OR9Q1: variants seen among roughly 807,000 people sequenced by gnomAD.
The protein encoded by OR9Q1 is olfactory receptor family 9 subfamily Q member 1, also known as olfactory receptor 9Q1.
For missense variants in OR9Q1, 374 were observed against 378.8 expected (o/e 0.99, Z 0.11); for synonymous variants, 153 against 148.6 (o/e 1.03, Z -0.22).
intron 2 of OR9Q1, chr11:58,119,072 C>T: frequency 6.2e-7 from 1 of 1,613,956 alleles, no homozygotes; most frequent in Non-Finnish European, 8.5e-7. Context: ...TTGCGAATGG[C>T]AGCATAGCGA....
At chr11:58,055,719 G>T (rs1853320455) in intron 1 of OR9Q1, among the ~76,000 whole-genome samples, 151 bp from the exon 2 acceptor site, 1 of 150,610 alleles carries the variant, frequency 6.6e-6, no homozygotes, top group Non-Finnish European at 1.5e-5. Context: ...AGGATTGCCT[G>T]AGCCTGGGAG....
chr11:58,069,223 GC>G (rs2120014818), intron 2 of OR9Q1, among the ~76,000 whole-genome samples: 1 of 152,214 alleles, frequency 6.6e-6, no homozygotes, highest in South Asian at 2.1e-4. Flanking sequence ...TGGATTTGTG[GC>G]CCTATTGTCC....
chr11:58,118,437 C>T (rs758913342), intron 2 of OR9Q1: 2 of 1,062,808 alleles, frequency 1.9e-6, no homozygotes, highest in African/African-American at 1.6e-5. Context: ...AGTAATGGTG[C>T]CTATTAGGAT....
intron 2 of OR9Q1, among the ~76,000 whole-genome samples, chr11:58,080,553 TAAG>T (rs778151485): frequency 6.2e-4 from 95 of 152,292 alleles, no homozygotes; most frequent in Non-Finnish European, 1.2e-3. Context: ...TTTAGTTCCT[TAAG>T]AAATCTCCAA....
intron 2 of OR9Q1, among the ~76,000 whole-genome samples, chr11:58,096,591 C>A (rs567618229): frequency 1.3e-5 from 2 of 149,566 alleles, no homozygotes; most frequent in South Asian, 2.1e-4. Flanking sequence ...CAGCTCACTG[C>A]AGCCTCTACC....
chr11:58,150,502 A>G (rs1043861799), intron 2 of OR9Q1, among the ~76,000 whole-genome samples: 1 of 152,198 alleles, frequency 6.6e-6, no homozygotes, highest in Non-Finnish European at 1.5e-5. Flanking sequence ...GTAGTCATGC[A>G]CCACATAAGG....
intron 2 of OR9Q1, among the ~76,000 whole-genome samples, chr11:58,139,226 T>C (rs957875560): frequency 6.0e-4 from 91 of 152,092 alleles, no homozygotes; most frequent in African/African-American, 2.1e-3. Context: ...GATAATCTTA[T>C]ATACAGGGTT....
rs577652470 is a variant in OR9Q1, at chr11:58,119,150, C to T, written c.-14-60281C>T. On this transcript the variant is annotated intron_variant, in intron 2 of 2. Coordinates refer to ENST00000335397, the MANE Select transcript of OR9Q1 (RefSeq NM_001005212.4). ...CAGATGGTGAATAAAAAGAACTGGGCAGCACAGTGGCCGTAGGAGATGACC... is the reference window on the plus strand; with the variant it reads ...CAGATGGTGAATAAAAAGAACTGGGTAGCACAGTGGCCGTAGGAGATGACC... 2.3e-5 allele frequency: 37 copies of T among 1,613,978 alleles called. No homozygotes were observed. The Admixed American group carries it at 2.8e-4, about 12-fold the overall frequency.
intron 2 of OR9Q1, among the ~76,000 whole-genome samples, chr11:58,082,777 T>C (rs1853601533): frequency 7.2e-6 from 1 of 138,570 alleles, no homozygotes; most frequent in African/African-American, 2.8e-5. Context: ...TAATAAAAAG[T>C]TAGGTCTTCT....
chr11:58,082,743 T>TTATAATAATAATAAC (rs1853600170), intron 2 of OR9Q1, among the ~76,000 whole-genome samples: 1 of 52,724 alleles, frequency 1.9e-5, no homozygotes, highest in South Asian at 7.3e-4. Context: ...ACTTAAAGTA[T>TTATAATAATAATAAC]AATAATAATA....
At chr11:58,094,370 C>G (rs529421601) in intron 2 of OR9Q1, among the ~76,000 whole-genome samples, 9 of 152,064 alleles carry the variant, frequency 5.9e-5, no homozygotes, top group Non-Finnish European at 1.3e-4. Flanking sequence ...CTCTAAAAGC[C>G]CCAATTTCAC....
chr11:58,055,666 G>A (rs1443313992), intron 1 of OR9Q1, among the ~76,000 whole-genome samples: 1 of 152,072 alleles, frequency 6.6e-6, no homozygotes, highest in Admixed American at 6.6e-5. Context: ...CAGGCATGGT[G>A]GCATGTGCCT....
At chr11:58,148,353 T>A (rs780066897) in intron 2 of OR9Q1, among the ~76,000 whole-genome samples, 1 of 152,158 alleles carries the variant, frequency 6.6e-6, no homozygotes, top group South Asian at 2.1e-4. Flanking sequence ...ATGCATTTTG[T>A]CTGAGGGAGC....
At position 58,180,119 on chromosome 11, in the gene OR9Q1, C is replaced by T. The variant is rs1390722485; in HGVS notation, c.675C>T (p.Ile225=). 6.2e-7 allele frequency: 1 copy of T among 1,614,068 alleles called. No homozygotes were observed. The highest frequency in any genetic ancestry group is 2.2e-5 in the East Asian group (1 of 44,892). ...CCTACCTGTTTATCATCGTGGCCAT[C>T]ATGGGGATCCCTGCTGGAAGCCAGG... The part of the protein sequence containing the change: ...LVSYLFIIVA[I]MGIPAGSQAK... The change falls in exon 3 of 3, where the codon ATC becomes ATT. Residue 225 remains isoleucine, a synonymous_variant. Transcript: ENST00000335397.
chr11:58,096,727 G>A (rs1227630579), intron 2 of OR9Q1, among the ~76,000 whole-genome samples: 1 of 133,310 alleles, frequency 7.5e-6, no homozygotes, highest in Non-Finnish European at 1.6e-5. Context: ...TTTTTGAGGT[G>A]GAGTCTTGCT....
intron 2 of OR9Q1, among the ~76,000 whole-genome samples, chr11:58,175,105 C>CAAAAAA (rs57623932): frequency 1.4e-5 from 1 of 69,298 alleles, no homozygotes; most frequent in African/African-American, 5.9e-5. Flanking sequence ...GACTCTGTCT[C>CAAAAAA]AAAAAAAAAA....
chr11:58,066,438 C>T (rs901330454), intron 2 of OR9Q1, among the ~76,000 whole-genome samples: 3 of 152,046 alleles, frequency 2.0e-5, no homozygotes, highest in African/African-American at 2.4e-5. Context: ...GTGCCTGCTT[C>T]GTTTGCGAGG....
At chr11:58,147,898 C>T (rs1008471230) in intron 2 of OR9Q1, among the ~76,000 whole-genome samples, 3 of 152,116 alleles carry the variant, frequency 2.0e-5, no homozygotes, top group Non-Finnish European at 4.4e-5. Context: ...CACATATTCT[C>T]TTAGAAATAG....
intron 2 of OR9Q1, among the ~76,000 whole-genome samples, chr11:58,136,642 G>T (rs1854191812): frequency 6.6e-6 from 1 of 152,180 alleles, no homozygotes; most frequent in Non-Finnish European, 1.5e-5. Context: ...ATGGCAAGGT[G>T]CAACTGTTCT....
Sources: gnomAD v4.1 joint callset for allele counts (sites outside exome capture counted in the v4.1 genomes callset) on GRCh38, gnomAD v4.1.1 for gene constraint, MANE v1.5 for transcripts, NCBI Gene and HGNC (gene_info 2026-07-23, HGNC 2026-07-21) for gene names.